The following FAM118A variants were observed in gnomAD, a reference collection of about 807,000 sequenced individuals.
The protein encoded by FAM118A is SIR2 antiphage like 2.
In FAM118A, 25 loss-of-function variants were observed where a neutral mutation model predicts 38.2. The observed-to-expected ratio is 0.65, with a 90% CI of 0.48 to 0.91. FAM118A has a LOEUF of 0.91. FAM118A is among the 40% of genes least tolerant of loss of function. The probability of loss-of-function intolerance (pLI) is 0.00; values close to 1 mark genes in which losing one functional copy is unlikely to be tolerated. For missense variants in FAM118A, 425 were observed against 463.3 expected, an observed-to-expected ratio of 0.92 and a Z score of 0.76; for synonymous variants, 178 against 184.1, an observed-to-expected ratio of 0.97 and a Z score of 0.27.
chr22:45,320,848 A>G (rs2084835445), intron 1 of FAM118A, among the ~76,000 whole-genome samples: 1 of 152,178 alleles, frequency 6.6e-6, no homozygotes, highest in Non-Finnish European at 1.5e-5. Flanking sequence ...GATATTTTAC[A>G]GTGTTCATAC....
At chr22:45,323,460 C>CTTGGTTCTGCAGCAGG (rs775114382) in intron 3 of FAM118A, 33 bp downstream of exon 3, 1 of 1,600,104 alleles carries the variant, frequency 6.2e-7, no homozygotes, top group South Asian at 1.1e-5. Flanking sequence ...TTGGGGACAG[C>CTTGGTTCTGCAGCAGG]TTGGTTCTGC....
intron 1 of FAM118A, among the ~76,000 whole-genome samples, chr22:45,314,547 T>C (rs962215866): frequency 1.3e-5 from 2 of 152,238 alleles, no homozygotes; most frequent in East Asian, 1.9e-4. Context: ...CACTGTCTCT[T>C]AGTCTCAATT....
intron 6 of FAM118A, among the ~76,000 whole-genome samples, chr22:45,333,740 C>G (rs1431922079): frequency 2.0e-5 from 3 of 150,910 alleles, no homozygotes; most frequent in African/African-American, 7.3e-5. Context: ...ACTCTGGAGG[C>G]TCAGGTGGGG....
chr22:45,311,779 AG>A (rs1213145726), intron 1 of FAM118A, among the ~76,000 whole-genome samples: 2 of 152,032 alleles, frequency 1.3e-5, no homozygotes, highest in African/African-American at 2.4e-5. Flanking sequence ...AGGCGGTGGT[AG>A]TGGGGGACTG....
intron 8 of FAM118A, among the ~76,000 whole-genome samples, chr22:45,339,350 G>T (rs2086320170): frequency 6.6e-6 from 1 of 151,374 alleles, no homozygotes; most frequent in South Asian, 2.1e-4. Flanking sequence ...AGTGAGCCGA[G>T]ATCACACCAT....
intron 1 of FAM118A, among the ~76,000 whole-genome samples, chr22:45,315,070 G>A (rs986483316): frequency 6.6e-5 from 10 of 152,178 alleles, no homozygotes; most frequent in African/African-American, 2.4e-4. Flanking sequence ...CTCTATTAAA[G>A]GCTGAAAAAG....
At chr22:45,323,574 A>G (rs1877379135) in intron 3 of FAM118A, 147 bp downstream of exon 3, 2 of 1,049,448 alleles carry the variant, frequency 1.9e-6, no homozygotes, top group Admixed American at 2.7e-5. Context: ...CCTTGAGTCC[A>G]TCGGGGTGTC....
At chr22:45,335,117 G>A (rs1005883916) in intron 6 of FAM118A, 9 of 531,798 alleles carry the variant, frequency 1.7e-5, no homozygotes, top group East Asian at 3.0e-5. Context: ...TAGTGATCGC[G>A]GACACCACAC....
chr22:45,317,126 C>T (rs2084641493), intron 1 of FAM118A, among the ~76,000 whole-genome samples: 1 of 152,210 alleles, frequency 6.6e-6, no homozygotes, highest in Non-Finnish European at 1.5e-5. Flanking sequence ...CCTGTAATCC[C>T]AGCACTTTGG....
chr22:45,331,176 T>C (rs1468917787), intron 5 of FAM118A, among the ~76,000 whole-genome samples: 1 of 152,150 alleles, frequency 6.6e-6, no homozygotes, highest in African/African-American at 2.4e-5. Context: ...GCTTCATTTT[T>C]GGCCTGGTAT....
chr22:45,335,169 A>G (rs2350629), intron 6 of FAM118A, 181 bp from the exon 7 acceptor site: 537,523 of 616,300 alleles, frequency 0.87, 234,835 homozygotes, highest in African/African-American at 0.93. Context: ...GAGTCCTCGC[A>G]CCAAGCCTGG....
At chr22:45,320,400 C>T (rs1425520781) in intron 1 of FAM118A, among the ~76,000 whole-genome samples, 30 of 146,014 alleles carry the variant, frequency 2.1e-4, no homozygotes, top group South Asian at 2.2e-4. Flanking sequence ...CAAACAAACA[C>T]GTAATTTTTC....
upstream of FAM118A, chr22:45,309,414 C>T (rs928901037): frequency 2.0e-5 from 3 of 152,198 alleles, no homozygotes; most frequent in African/African-American, 7.2e-5. Flanking sequence ...GACAAGTACT[C>T]TGAAAAAGAA....
intron 8 of FAM118A, 143 bp from the exon 9 acceptor site, chr22:45,340,243 A>T: frequency 1.2e-6 from 1 of 833,408 alleles, no homozygotes; most frequent in Non-Finnish European, 2.0e-6. Context: ...GACAGTGGCT[A>T]CTGTTTCCAT....
At chr22:45,311,403 C>T (rs377263327) in intron 1 of FAM118A, among the ~76,000 whole-genome samples, 1 of 152,166 alleles carries the variant, frequency 6.6e-6, no homozygotes, top group African/African-American at 2.4e-5. Context: ...AACGACTGCA[C>T]CTGCCATTGT....
intron 5 of FAM118A, 137 bp downstream of exon 5, chr22:45,330,868 G>C (rs2085659252): frequency 1.1e-6 from 1 of 945,502 alleles, no homozygotes; most frequent in Non-Finnish European, 1.4e-6. Context: ...CAGTTGCTGA[G>C]GGAGGGGCCA....
intron 2 of FAM118A, 128 bp from the exon 3 acceptor site, chr22:45,323,047 G>GTT: frequency 1.2e-6 from 1 of 867,550 alleles, no homozygotes; most frequent in Non-Finnish European, 1.8e-6. Flanking sequence ...GGGACTGTGT[G>GTT]TGTGTGTGTG....
chr22:45,330,393 G>A (rs932553498), intron 4 of FAM118A: 3 of 362,536 alleles, frequency 8.3e-6, no homozygotes, highest in Non-Finnish European at 1.4e-5. Flanking sequence ...AGGTTTTACA[G>A]GTGTGACTGT....
In FAM118A at chr22:45,310,111, C is replaced by G. The variant is rs938564494; in HGVS notation, c.-82C>G. 1 of 151,972 alleles carries G rather than the reference C, an allele frequency of 6.6e-6. No individual in the cohort carries two copies. Among genetic ancestry groups the G allele is most frequent in the East Asian group, 1.9e-4 (1 of 5,142 alleles). The allele number at this position is 151,972 out of a possible 1,614,324, so 9.4% of individuals were successfully genotyped here. A position where few individuals can be genotyped will look rare whatever the true frequency, so the allele number is the denominator to read the frequency against. On this transcript the variant is annotated 5_prime_UTR_variant, in exon 1 of 9. Coordinates refer to ENST00000441876, the MANE Select transcript of FAM118A (RefSeq NM_017911.4). The stretch of plus-strand genomic sequence containing the variant: ...GGGGTGCGCGGCCGCCGAGAGACCC[C>G]GGAGGCGTAGCCGGCTGCGGAGGCG...
Sources: gnomAD v4.1 joint callset for allele counts (sites outside exome capture counted in the v4.1 genomes callset) on GRCh38, gnomAD v4.1.1 for gene constraint, MANE v1.5 for transcripts, NCBI Gene and HGNC (gene_info 2026-07-23, HGNC 2026-07-21) for gene names.